Variants in CDC14A observed in about 807,000 individuals in gnomAD.
The protein encoded by CDC14A is cell division cycle 14A.
A neutral mutation model predicts 74.4 loss-of-function variants in CDC14A; 53 were observed. The observed-to-expected ratio is 0.71, with a 90% CI of 0.57 to 0.89. The LOEUF is 0.89. Among genes scored for constraint, CDC14A ranks in the 40% least tolerant of loss-of-function variants. The pLI is 0.00. For missense variants in CDC14A, 646 were observed against 713.7 expected, an observed-to-expected ratio of 0.91 and a Z score of 1.08; for synonymous variants, 247 against 258.4, an observed-to-expected ratio of 0.96 and a Z score of 0.43.
chr1:100,420,643 A>G (rs978117152), intron 4 of CDC14A, among the ~76,000 whole-genome samples: 13 of 152,174 alleles, frequency 8.5e-5, no homozygotes, highest in African/African-American at 3.1e-4. Context: ...GCAATGATAT[A>G]AAACATTTTA....
intron 10 of CDC14A, among the ~76,000 whole-genome samples, chr1:100,480,775 T>A (rs564286335): frequency 6.6e-6 from 1 of 152,356 alleles, no homozygotes; most frequent in South Asian, 2.1e-4. Context: ...GGCTTAGTTA[T>A]GAAGTTTGCA....
intron 6 of CDC14A, among the ~76,000 whole-genome samples, chr1:100,440,915 A>G (rs1420522873): frequency 6.6e-6 from 1 of 152,200 alleles, no homozygotes; most frequent in Non-Finnish European, 1.5e-5. Flanking sequence ...CTTTCTACTT[A>G]AACAACTACA....
chr1:100,498,429 A>T (rs2101438860), intron 14 of CDC14A, among the ~76,000 whole-genome samples: 1 of 152,310 alleles, frequency 6.6e-6, no homozygotes, highest in East Asian at 1.9e-4. Flanking sequence ...CTAGAGAGTG[A>T]GCAGCTGGCT....
intron 10 of CDC14A, among the ~76,000 whole-genome samples, chr1:100,470,954 T>A (rs1459036186): frequency 6.6e-6 from 1 of 152,178 alleles, no homozygotes; most frequent in Non-Finnish European, 1.5e-5. Flanking sequence ...TGGAAACATT[T>A]GTCTACAAAG....
chr1:100,459,519 C>A (rs1418831788), intron 8 of CDC14A, among the ~76,000 whole-genome samples: 1 of 152,192 alleles, frequency 6.6e-6, no homozygotes, highest in Non-Finnish European at 1.5e-5. Flanking sequence ...GCTCAGTTTG[C>A]AGTTTTTACT....
chr1:100,416,641 T>C (rs898889611), intron 4 of CDC14A, among the ~76,000 whole-genome samples: 6 of 152,024 alleles, frequency 3.9e-5, no homozygotes, highest in African/African-American at 1.2e-4. Flanking sequence ...ATAATAACAG[T>C]GTGGGTCCAG....
At chr1:100,425,128 A>C (rs1662801086) in intron 5 of CDC14A, among the ~76,000 whole-genome samples, 1 of 152,172 alleles carries the variant, frequency 6.6e-6, no homozygotes, top group Non-Finnish European at 1.5e-5. Context: ...AGATCGCCCC[A>C]CTACACTCCA....
chr1:100,376,570 G>A (rs1336860882), intron 2 of CDC14A, among the ~76,000 whole-genome samples: 2 of 152,160 alleles, frequency 1.3e-5, no homozygotes, highest in Non-Finnish European at 2.9e-5. Flanking sequence ...GCCTGTAGAT[G>A]GTGGACCCAG....
At chr1:100,389,817 G>T (rs1323612440) in intron 3 of CDC14A, among the ~76,000 whole-genome samples, 2 of 151,534 alleles carry the variant, frequency 1.3e-5, no homozygotes, top group African/African-American at 2.4e-5. Flanking sequence ...TTGTGCCTGT[G>T]TTTTTTTTGC....
At chr1:100,498,828 T>A in intron 14 of CDC14A, 101 bp from the exon 15 acceptor site, 1 of 1,433,802 alleles carries the variant, frequency 7.0e-7, no homozygotes, top group East Asian at 2.4e-5. Flanking sequence ...ATCTTCATCA[T>A]GTTCCCCTAA....
chr1:100,499,070 C>T lies in CDC14A; in HGVS notation c.1563C>T (p.Ser521=), dbSNP rs1327764636. 3.7e-6 allele frequency: 6 copies of T among 1,614,036 alleles called. No individual in the cohort carries two copies. The highest frequency in any genetic ancestry group is 1.7e-5 in the Admixed American group (1 of 60,008). ...TTACCAACCTCTTGAATGGCAGCTCCCAGCCAACTACCAGAAATTACCCTG... is the reference window on the plus strand; with the variant it reads ...TTACCAACCTCTTGAATGGCAGCTCTCAGCCAACTACCAGAAATTACCCTG... ...SPFTNLLNGS[S]QPTTRNYPEL... The change falls in exon 15 of 16, where the codon TCC becomes TCT. Residue 521 remains serine, a synonymous_variant. Transcript: ENST00000336454.
chr1:100,384,518 A>G (rs1445067185), intron 3 of CDC14A, among the ~76,000 whole-genome samples: 1 of 152,206 alleles, frequency 6.6e-6, no homozygotes, highest in Non-Finnish European at 1.5e-5. Flanking sequence ...TTAAATATTC[A>G]TTAGCCTTTG....
intron 4 of CDC14A, among the ~76,000 whole-genome samples, chr1:100,395,939 A>G (rs1658409690): frequency 6.6e-6 from 1 of 152,160 alleles, no homozygotes; most frequent in Admixed American, 6.5e-5. Flanking sequence ...TTACTTTCTC[A>G]GAGAGATTTT....
chr1:100,411,553 A>G (rs766240898), intron 4 of CDC14A, among the ~76,000 whole-genome samples: 1 of 152,170 alleles, frequency 6.6e-6, no homozygotes. Flanking sequence ...CTGAAGCCCA[A>G]AACTTAGTAA....
At chr1:100,445,095 T>TA (rs1177316200) in intron 7 of CDC14A, among the ~76,000 whole-genome samples, 1 of 152,224 alleles carries the variant, frequency 6.6e-6, no homozygotes. Context: ...GCAGTCATTT[T>TA]AAAAAATGAA....
rs149672640 is a variant in CDC14A at position 100,496,223 on chromosome 1, A to AT, written c.1298+189dup. ...ATTTTTAATGCTCACCATGAAAAGG[A>AT]TTTTTTTTTTTTTTTGCTGGCATGC... is the stretch of plus-strand genomic sequence containing the variant. On this transcript the variant is annotated intron_variant, in intron 13 of 15. Transcript: ENST00000336454. Among the ~76,000 whole-genome samples, 149 of 144,590 alleles carry AT rather than the reference A, an allele frequency of 1.0e-3. 1 individual carries two copies. Among genetic ancestry groups the AT allele is most frequent in the African/African-American group, 3.0e-3 (118 of 39,716 alleles). 94.9% of individuals were successfully genotyped at this position (144,590 alleles called of 152,430 possible).
At chr1:100,502,106 GTTAA>G (rs1318163520) in intron 15 of CDC14A, among the ~76,000 whole-genome samples, 6 of 152,064 alleles carry the variant, frequency 3.9e-5, no homozygotes, top group Non-Finnish European at 8.8e-5. Context: ...GTAAGCTAAG[GTTAA>G]TTGATTATTC....
intron 2 of CDC14A, among the ~76,000 whole-genome samples, chr1:100,355,424 C>A (rs1398382518): frequency 6.6e-6 from 1 of 152,190 alleles, no homozygotes; most frequent in Non-Finnish European, 1.5e-5. Flanking sequence ...CCAAACTAAA[C>A]ACTGTGCATG....
intron 10 of CDC14A, among the ~76,000 whole-genome samples, chr1:100,468,688 A>G (rs538551947): frequency 1.3e-5 from 2 of 152,334 alleles, no homozygotes; most frequent in East Asian, 3.9e-4. Context: ...CCATTCATTC[A>G]TTAACTTTTT....
Sources: gnomAD v4.1 joint callset for allele counts (sites outside exome capture counted in the v4.1 genomes callset) on GRCh38, gnomAD v4.1.1 for gene constraint, MANE v1.5 for transcripts, NCBI Gene and HGNC (gene_info 2026-07-23, HGNC 2026-07-21) for gene names.